The following TANC2 variants were observed in gnomAD, a reference collection of about 807,000 sequenced individuals.
TANC2 encodes the protein tetratricopeptide repeat, ankyrin repeat and coiled-coil containing 2.
Under a neutral mutation model 210.5 loss-of-function variants are expected in TANC2, and 26 were observed. The observed-to-expected ratio is 0.12, with a 90% CI of 0.09 to 0.17. The LOEUF (loss-of-function observed/expected upper bound fraction) is 0.17, where lower values mean the gene tolerates loss of function less well. Ranked by LOEUF, TANC2 falls within the 10% of genes least tolerant of loss-of-function variation. The pLI is 1.00. For synonymous variants in TANC2, 931 were observed against 967.1 expected (o/e 0.96, Z 0.69); for missense variants, 2,129 against 2,608.9 (o/e 0.82, Z 4.01).
At chr17:63,201,748 A>G (rs1270649053) in intron 7 of TANC2, among the ~76,000 whole-genome samples, 2 of 151,804 alleles carry the variant, frequency 1.3e-5, no homozygotes, top group African/African-American at 4.8e-5. Flanking sequence ...GGCAATGCTG[A>G]TTGGGACATT....
chr17:62,986,206 T>TA (rs2143500401), intron 1 of TANC2, among the ~76,000 whole-genome samples: 1 of 152,242 alleles, frequency 6.6e-6, no homozygotes, highest in Admixed American at 6.5e-5. Context: ...TTGCCAGGGG[T>TA]AGGCTCACTG....
At chr17:63,036,655 A>T (rs1315734990) in intron 2 of TANC2, among the ~76,000 whole-genome samples, 1 of 151,984 alleles carries the variant, frequency 6.6e-6, no homozygotes, top group Non-Finnish European at 1.5e-5. Context: ...TCCTTCTGGG[A>T]TTTGGGGTGG....
At chr17:63,188,321 G>A (rs1017145537) in intron 5 of TANC2, among the ~76,000 whole-genome samples, 10 of 150,884 alleles carry the variant, frequency 6.6e-5, no homozygotes, top group African/African-American at 2.2e-4. Context: ...AAAAAATCTG[G>A]CTGGGTGCAG....
At chr17:63,260,357 C>G (rs1000862726) in intron 8 of TANC2, among the ~76,000 whole-genome samples, 1 of 152,202 alleles carries the variant, frequency 6.6e-6, no homozygotes, top group African/African-American at 2.4e-5. Context: ...CTACTTAGCT[C>G]TGATATAAAT....
In TANC2 at chr17:63,220,713, A is replaced by ATATATATATATATATATATATAT. The variant is rs1302451440; in HGVS notation, c.770-17101_770-17100insTATATATATATATATATATATAT. Among the ~76,000 whole-genome samples the ATATATATATATATATATATATAT allele has an allele frequency of 7.1e-4, 100 of 140,500 alleles. 1 individual carries two copies. The highest frequency in any genetic ancestry group is 1.3e-3 in the Non-Finnish European group (86 of 65,154). 92.2% of individuals were successfully genotyped at this position (140,500 alleles called of 152,430 possible). On this transcript the variant is annotated intron_variant, in intron 7 of 27. Coordinates refer to ENST00000689528, the Ensembl canonical transcript of TANC2. ...AGCAAGAATCAGTCTCAAAAAAAAA[A>ATATATATATATATATATATATAT]AAAAAAATATATATATATATATATG... is the stretch of plus-strand genomic sequence containing the variant.
chr17:63,259,267 C>T (rs2043288876), intron 8 of TANC2, among the ~76,000 whole-genome samples: 1 of 152,210 alleles, frequency 6.6e-6, no homozygotes, highest in African/African-American at 2.4e-5. Context: ...TCTCCCAGAG[C>T]TGTGAGCTGC....
chr17:63,103,103 A>ACGTAGT (rs1272740907), intron 4 of TANC2, among the ~76,000 whole-genome samples: 1 of 152,180 alleles, frequency 6.6e-6, no homozygotes, highest in African/African-American at 2.4e-5. Flanking sequence ...GGGGACAGCC[A>ACGTAGT]CATAGGTTTT....
At chr17:63,122,445 AT>A (rs1442787745) in intron 4 of TANC2, among the ~76,000 whole-genome samples, 1 of 152,226 alleles carries the variant, frequency 6.6e-6, no homozygotes, top group Non-Finnish European at 1.5e-5. Flanking sequence ...TCCAGAAGAT[AT>A]GGAAACATGG....
chr17:63,078,682 A>G (rs1213660308), intron 3 of TANC2, among the ~76,000 whole-genome samples: 1 of 152,090 alleles, frequency 6.6e-6, no homozygotes, highest in African/African-American at 2.4e-5. Flanking sequence ...TAGTTTCCAA[A>G]CATTTGGAAG....
At chr17:63,021,211 A>G (rs1195320730) in intron 2 of TANC2, among the ~76,000 whole-genome samples, 3 of 152,238 alleles carry the variant, frequency 2.0e-5, no homozygotes, top group African/African-American at 7.2e-5. Flanking sequence ...TGTATGTGCA[A>G]TAGTATGTAA....
chr17:63,018,501 TAAATA>T (rs1355924638), intron 2 of TANC2, among the ~76,000 whole-genome samples: 1 of 149,826 alleles, frequency 6.7e-6, no homozygotes, highest in African/African-American at 2.4e-5. Flanking sequence ...AATAAATAAA[TAAATA>T]AAATAAACAA....
At chr17:63,359,181 A>C (rs545540026) in intron 14 of TANC2, among the ~76,000 whole-genome samples, 32 of 151,952 alleles carry the variant, frequency 2.1e-4, no homozygotes, top group Non-Finnish European at 3.8e-4. Context: ...CTCCTACCTT[A>C]GCTTCCTGTG....
intron 2 of TANC2, among the ~76,000 whole-genome samples, chr17:63,022,826 C>T (rs539375121): frequency 3.9e-5 from 6 of 152,208 alleles, no homozygotes; most frequent in South Asian, 4.2e-4. Flanking sequence ...CTCAAGTGGC[C>T]CCAGGTGCAG....
chr17:63,154,066 A>G (rs886730894), intron 5 of TANC2: 4 of 152,228 alleles, frequency 2.6e-5, no homozygotes, highest in Non-Finnish European at 5.9e-5. Flanking sequence ...TCCTCAAGTT[A>G]CATTTGTTGT....
intron 4 of TANC2, chr17:63,120,882 CTTAG>C: frequency 7.3e-6 from 1 of 136,256 alleles, no homozygotes; most frequent in Non-Finnish European, 1.6e-5. Flanking sequence ...TGGGTAAAAT[CTTAG>C]TTAATAGTAG....
At chr17:63,131,877 C>A (rs1434087641) in intron 4 of TANC2, among the ~76,000 whole-genome samples, 3 of 152,166 alleles carry the variant, frequency 2.0e-5, no homozygotes, top group Non-Finnish European at 4.4e-5. Context: ...CTATTGAATG[C>A]AGGAGCAGAA....
At chr17:63,074,273 A>G (rs1367291640) in intron 3 of TANC2, among the ~76,000 whole-genome samples, 4 of 152,094 alleles carry the variant, frequency 2.6e-5, no homozygotes, top group Non-Finnish European at 5.9e-5. Context: ...ATATATCTGG[A>G]TATCACTTTT....
chr17:63,374,125 G>A (rs1411327288), intron 14 of TANC2, among the ~76,000 whole-genome samples: 4 of 140,874 alleles, frequency 2.8e-5, no homozygotes, highest in Non-Finnish European at 6.0e-5. Context: ...CAGCCTCGAC[G>A]TCCTGGGCTT....
chr17:63,159,960 C>G (rs2039969680), intron 5 of TANC2, among the ~76,000 whole-genome samples: 2 of 152,208 alleles, frequency 1.3e-5, no homozygotes, highest in Admixed American at 1.3e-4. Flanking sequence ...CTGGCTGATT[C>G]AGTTTTTGGT....
Sources: allele counts gnomAD v4.1 joint callset (sites outside exome capture counted in the v4.1 genomes callset), GRCh38; gene constraint gnomAD v4.1.1; transcripts MANE v1.5; gene names NCBI Gene and HGNC (gene_info 2026-07-23, HGNC 2026-07-21).